The following GRIP1 variants were observed in gnomAD, a reference collection of about 807,000 sequenced individuals.
GRIP1 encodes the protein glutamate receptor-interacting protein 1.
In GRIP1, 45 loss-of-function variants were observed where a neutral mutation model predicts 129.9. The observed-to-expected ratio is 0.35, with a 90% CI of 0.27 to 0.44. The LOEUF (loss-of-function observed/expected upper bound fraction) is 0.44. Ranked by LOEUF, GRIP1 falls within the 20% of genes least tolerant of loss-of-function variation. GRIP1 has a pLI of 1.00. For missense variants in GRIP1, 1,196 were observed against 1,396.8 expected, an observed-to-expected ratio of 0.86 and a Z score of 2.29; for synonymous variants, 530 against 520.8, an observed-to-expected ratio of 1.02 and a Z score of -0.24.
intron 1 of GRIP1, among the ~76,000 whole-genome samples, chr12:66,823,192 A>G (rs1336106427): frequency 6.6e-6 from 1 of 152,160 alleles, no homozygotes; most frequent in East Asian, 1.9e-4. Flanking sequence ...GGAAGCTCTA[A>G]AATTCTATAA....
intron 1 of GRIP1, among the ~76,000 whole-genome samples, chr12:66,744,256 A>G (rs946097984): frequency 6.6e-6 from 1 of 151,972 alleles, no homozygotes; most frequent in Admixed American, 6.6e-5. Context: ...ACACCAGTAC[A>G]TTTATCTTCT....
At chr12:66,866,912 G>A (rs747733839) in intron 1 of GRIP1, among the ~76,000 whole-genome samples, 40 of 152,086 alleles carry the variant, frequency 2.6e-4, no homozygotes, top group Non-Finnish European at 5.3e-4. Context: ...ATATCATGTC[G>A]TACACAGTAA....
chr12:66,430,592 G>A (rs2058119182), intron 14 of GRIP1, among the ~76,000 whole-genome samples: 1 of 152,100 alleles, frequency 6.6e-6, no homozygotes, highest in Admixed American at 6.5e-5. Context: ...TGTAGTTTGT[G>A]TACAAGACTA....
chr12:66,694,046 T>C (rs1193265896), intron 1 of GRIP1, among the ~76,000 whole-genome samples: 3 of 152,160 alleles, frequency 2.0e-5, no homozygotes, highest in Non-Finnish European at 4.4e-5. Flanking sequence ...GACGGTACTA[T>C]TATGAGCATC....
At chr12:66,869,802 T>C (rs1434877453) in intron 1 of GRIP1, among the ~76,000 whole-genome samples, 2 of 152,112 alleles carry the variant, frequency 1.3e-5, no homozygotes, top group Non-Finnish European at 2.9e-5. Flanking sequence ...AACTTCCAAG[T>C]ATCATGAGGC....
intron 2 of GRIP1, among the ~76,000 whole-genome samples, chr12:66,580,753 T>C (rs2139607003): frequency 6.6e-6 from 1 of 151,566 alleles, no homozygotes; most frequent in Non-Finnish European, 1.5e-5. Flanking sequence ...CCCAGATTCA[T>C]AAAGCAAGTC....
chr12:66,532,429 T>C (rs976424052), intron 4 of GRIP1, among the ~76,000 whole-genome samples: 2 of 152,180 alleles, frequency 1.3e-5, no homozygotes, highest in African/African-American at 4.8e-5. Context: ...TTTCTACATG[T>C]GGATATTCAT....
intron 1 of GRIP1, among the ~76,000 whole-genome samples, chr12:66,635,090 A>T (rs1038814713): frequency 4.6e-5 from 7 of 152,156 alleles, no homozygotes; most frequent in African/African-American, 1.7e-4. Flanking sequence ...TGTTAAATGG[A>T]ATTTCAAATT....
chr12:66,478,486 T>C (rs2059693763), intron 7 of GRIP1, among the ~76,000 whole-genome samples: 1 of 152,130 alleles, frequency 6.6e-6, no homozygotes, highest in South Asian at 2.1e-4. Context: ...CTCAGGGATC[T>C]CGAACTAGAA....
chr12:66,685,196 C>T (rs922477152), intron 1 of GRIP1, among the ~76,000 whole-genome samples: 28 of 152,168 alleles, frequency 1.8e-4, no homozygotes, highest in African/African-American at 6.5e-4. Flanking sequence ...CACATGGGTT[C>T]TTCCTCCTAA....
intron 1 of GRIP1, among the ~76,000 whole-genome samples, chr12:66,931,592 C>G (rs142110704): frequency 8.5e-5 from 13 of 152,168 alleles, no homozygotes; most frequent in African/African-American, 2.2e-4. Flanking sequence ...GCATTATTGC[C>G]CTTTTTGAGT....
At chr12:66,870,825 C>G (rs926060143) in intron 1 of GRIP1, among the ~76,000 whole-genome samples, 2 of 152,094 alleles carry the variant, frequency 1.3e-5, no homozygotes, top group African/African-American at 4.8e-5. Context: ...TAAAGGGCCA[C>G]TCCATTTCAA....
At chr12:66,691,762 ATAGATTCTCTCTCTTAACTTGT>A (rs2034990028) in intron 1 of GRIP1, among the ~76,000 whole-genome samples, 1 of 152,162 alleles carries the variant, frequency 6.6e-6, no homozygotes, top group South Asian at 2.1e-4. Flanking sequence ...GAGTCCTTCC[ATAGATTCTCTCTCTTAACTTGT>A]TTGCGTAGGG....
At chr12:66,416,543 C>T (rs180908989) in intron 15 of GRIP1, among the ~76,000 whole-genome samples, 8 of 152,088 alleles carry the variant, frequency 5.3e-5, no homozygotes, top group African/African-American at 1.9e-4. Context: ...GGAGAAGACC[C>T]AACTAAATAA....
At chr12:66,781,894 T>C (rs1161022990) in intron 1 of GRIP1, among the ~76,000 whole-genome samples, 1 of 152,224 alleles carries the variant, frequency 6.6e-6, no homozygotes, top group Admixed American at 6.5e-5. Flanking sequence ...AACATATGCA[T>C]GTACTATATG....
chr12:66,757,613 G>A (rs1245584697), intron 1 of GRIP1, among the ~76,000 whole-genome samples: 1 of 152,124 alleles, frequency 6.6e-6, no homozygotes. Context: ...AATATACCTA[G>A]CAGTTGGATT....
intron 2 of GRIP1, among the ~76,000 whole-genome samples, chr12:66,581,106 A>C (rs920978696): frequency 4.6e-5 from 7 of 152,252 alleles, no homozygotes; most frequent in African/African-American, 1.7e-4. Context: ...TAACTCACTC[A>C]AAACCACTCA....
rs147425001 is a variant in GRIP1 at position 66,760,282 on chromosome 12, C to T, written c.-420+43771G>A. ...TCTGCCTGTTACCCAGTTCCAAAGT[C>T]GCTTCCATATTTTCAGGTACCTTTT... On this transcript the variant is annotated intron_variant, in intron 1 of 4. Coordinates refer to the GRIP1 transcript ENST00000538373. Among the ~76,000 whole-genome samples, 291 of 152,252 alleles carry T rather than the reference C, an allele frequency of 1.9e-3. 1 individual carries two copies. The highest frequency in any genetic ancestry group is 6.8e-3 in the Middle Eastern group (2 of 294).
chr12:66,665,289 T>A lies in GRIP1; in HGVS notation c.55+13561A>T, dbSNP rs141888011. Among the ~76,000 whole-genome samples, 590 of 152,304 alleles carry A rather than the reference T, an allele frequency of 3.9e-3. 4 individuals carry two copies. Among genetic ancestry groups the A allele is most frequent in the African/African-American group, 0.014 (563 of 41,568 alleles). Reference sequence around the variant, plus strand: ...TCCTAAAATGCTGAGGTTACAGGCGTGAGCTAACACAACCAACCAAAATAA... The same window carrying A: ...TCCTAAAATGCTGAGGTTACAGGCGAGAGCTAACACAACCAACCAAAATAA... On this transcript the variant is annotated intron_variant, in intron 1 of 24. Transcript: ENST00000359742.
Sources: gnomAD v4.1 joint callset for allele counts (sites outside exome capture counted in the v4.1 genomes callset) on GRCh38, gnomAD v4.1.1 for gene constraint, MANE v1.5 for transcripts, NCBI Gene and HGNC (gene_info 2026-07-23, HGNC 2026-07-21) for gene names.